Variants in MACROD2 observed in about 807,000 individuals in gnomAD.
The protein encoded by MACROD2 is mono-ADP ribosylhydrolase 2.
MACROD2 carries 36 observed loss-of-function variants against 70.4 expected under a neutral mutation model. The observed-to-expected ratio is 0.51, with a 90% CI of 0.39 to 0.68. MACROD2 has a LOEUF of 0.68. Among genes scored for constraint, MACROD2 ranks in the 30% least tolerant of loss-of-function variants. The probability of loss-of-function intolerance (pLI) is 0.00; values close to 1 mark genes in which losing one functional copy is unlikely to be tolerated. For missense variants in MACROD2, 496 were observed against 538.4 expected (o/e 0.92, Z 0.78); for synonymous variants, 172 against 178.8 (o/e 0.96, Z 0.30).
intron 6 of MACROD2, among the ~76,000 whole-genome samples, chr20:15,354,364 C>A (rs981888886): frequency 6.6e-6 from 1 of 151,354 alleles, no homozygotes; most frequent in Non-Finnish European, 1.5e-5. Context: ...GTGGGGGTAG[C>A]GGGGAGGGAT....
chr20:15,554,777 A>C (rs542806991), intron 8 of MACROD2, among the ~76,000 whole-genome samples: 3 of 152,316 alleles, frequency 2.0e-5, no homozygotes, highest in African/African-American at 7.2e-5. Flanking sequence ...TAAGGAGGGC[A>C]TGAGTTTAAA....
intron 8 of MACROD2, among the ~76,000 whole-genome samples, chr20:15,681,412 A>T (rs147788286): frequency 1.3e-5 from 2 of 152,334 alleles, no homozygotes; most frequent in East Asian, 3.9e-4. Context: ...GATCACCCCC[A>T]TCCTGCTGAA....
intron 8 of MACROD2, among the ~76,000 whole-genome samples, chr20:15,561,194 T>G (rs545573369): frequency 6.6e-6 from 1 of 152,356 alleles, no homozygotes; most frequent in East Asian, 1.9e-4. Context: ...CTCAATATCC[T>G]TATTCTTCAA....
At chr20:15,327,616 T>C (rs1299120641) in intron 6 of MACROD2, among the ~76,000 whole-genome samples, 1 of 152,038 alleles carries the variant, frequency 6.6e-6, no homozygotes, top group Non-Finnish European at 1.5e-5. Context: ...TGGGGGTAAC[T>C]GCCCCCATGA....
At chr20:15,047,250 T>A (rs1462787901) in intron 5 of MACROD2, among the ~76,000 whole-genome samples, 1 of 152,224 alleles carries the variant, frequency 6.6e-6, no homozygotes, top group African/African-American at 2.4e-5. Flanking sequence ...GTATGTACTG[T>A]GCAGTGTGGT....
At chr20:14,424,940 T>C (rs2083917225) in intron 3 of MACROD2, among the ~76,000 whole-genome samples, 3 of 152,220 alleles carry the variant, frequency 2.0e-5, no homozygotes, top group Admixed American at 6.5e-5. Context: ...CAAAAGACCA[T>C]AGGTTTATCA....
At chr20:15,611,826 A>G (rs941075296) in intron 8 of MACROD2, among the ~76,000 whole-genome samples, 3 of 148,956 alleles carry the variant, frequency 2.0e-5, no homozygotes, top group Admixed American at 6.8e-5. Context: ...GATGATGTCT[A>G]TAAGGCTCCG....
chr20:15,942,651 G>T (rs2065766519), intron 12 of MACROD2, among the ~76,000 whole-genome samples: 1 of 152,084 alleles, frequency 6.6e-6, no homozygotes, highest in Non-Finnish European at 1.5e-5. Flanking sequence ...ATAAACACAG[G>T]AATGTCAAGT....
intron 8 of MACROD2, among the ~76,000 whole-genome samples, chr20:15,660,301 C>A (rs2049801371): frequency 6.6e-6 from 1 of 152,108 alleles, no homozygotes; most frequent in Non-Finnish European, 1.5e-5. Flanking sequence ...AAAAAGTAAT[C>A]ATCGAGACTG....
chr20:15,021,147 TAC>T (rs1422188432), intron 5 of MACROD2, among the ~76,000 whole-genome samples: 12 of 129,002 alleles, frequency 9.3e-5, no homozygotes, highest in South Asian at 2.4e-4. Flanking sequence ...CGTGTGTGTA[TAC>T]ACACACCTGT....
intron 6 of MACROD2, among the ~76,000 whole-genome samples, chr20:15,417,598 C>CA (rs71340225): frequency 0.022 from 1,527 of 69,070 alleles, 28 homozygotes; most frequent in East Asian, 0.052. Context: ...AACCCTGTCT[C>CA]AAAAAAAAAA....
chr20:14,414,335 T>C (rs1177039115), intron 3 of MACROD2, among the ~76,000 whole-genome samples: 1 of 152,084 alleles, frequency 6.6e-6, no homozygotes, highest in Non-Finnish European at 1.5e-5. Flanking sequence ...GCTCTTTACT[T>C]TTCTCTTTTT....
chr20:14,934,510 G>A (rs566092614), intron 5 of MACROD2, among the ~76,000 whole-genome samples: 2 of 152,300 alleles, frequency 1.3e-5, no homozygotes, highest in Admixed American at 1.3e-4. Context: ...TAACAGGCTG[G>A]ATATGGTGGG....
chr20:14,816,532 A>G (rs1228538519), intron 5 of MACROD2, among the ~76,000 whole-genome samples: 1 of 152,100 alleles, frequency 6.6e-6, no homozygotes, highest in African/African-American at 2.4e-5. Context: ...TTTCATCTGT[A>G]TAAATTGATC....
intron 5 of MACROD2, among the ~76,000 whole-genome samples, chr20:14,788,771 T>G (rs1438571360): frequency 2.2e-5 from 3 of 138,792 alleles, no homozygotes; most frequent in African/African-American, 5.4e-5. Flanking sequence ...GTGTTTTTTT[T>G]TTTTTTTTTT....
intron 5 of MACROD2, among the ~76,000 whole-genome samples, chr20:14,939,105 C>T (rs79752320): frequency 0.027 from 4,037 of 151,946 alleles, 192 homozygotes; most frequent in African/African-American, 0.092. Flanking sequence ...TTTAGCTTGA[C>T]GTAATCTCAT....
chr20:14,165,209 A>G (rs1328565843), intron 3 of MACROD2, among the ~76,000 whole-genome samples: 1 of 152,182 alleles, frequency 6.6e-6, no homozygotes, highest in Non-Finnish European at 1.5e-5. Context: ...ATACTATTGC[A>G]CAGTCTCCAG....
chr20:14,016,005 G>A (rs1228855683), intron 2 of MACROD2, among the ~76,000 whole-genome samples: 1 of 152,186 alleles, frequency 6.6e-6, no homozygotes, highest in African/African-American at 2.4e-5. Context: ...GGAATTGCTA[G>A]ATCACATGGT....
chr20:15,662,088 T>C (rs2049829640), intron 8 of MACROD2, among the ~76,000 whole-genome samples: 1 of 152,280 alleles, frequency 6.6e-6, no homozygotes, highest in South Asian at 2.1e-4. Context: ...CTGAAACCAA[T>C]AGACTAATCT....
Sources: gnomAD v4.1 joint callset for allele counts (sites outside exome capture counted in the v4.1 genomes callset) on GRCh38, gnomAD v4.1.1 for gene constraint, MANE v1.5 for transcripts, NCBI Gene and HGNC (gene_info 2026-07-23, HGNC 2026-07-21) for gene names.